Variants in PAXIP1 observed in about 807,000 individuals in gnomAD.
PAXIP1 encodes PAX-interacting protein 1.
In PAXIP1, 19 loss-of-function variants were observed where a neutral mutation model predicts 140.6. The observed-to-expected ratio is 0.14, with a 90% CI of 0.09 to 0.20. The LOEUF is 0.20. PAXIP1 is among the 10% of genes least tolerant of loss of function. PAXIP1 has a pLI of 1.00. For missense variants in PAXIP1, 920 were observed against 1,208.6 expected (o/e 0.76, Z 3.54); for synonymous variants, 442 against 444.6 (o/e 0.99, Z 0.07).
upstream of PAXIP1, chr7:155,003,169 C>T (rs1397231918): frequency 4.0e-5 from 6 of 150,886 alleles, no homozygotes; most frequent in Non-Finnish European, 8.8e-5. Context: ...CCCGCCCCGG[C>T]CACCGAGGGG....
At chr7:154,965,038 T>C (rs1808943638) in intron 8 of PAXIP1, 1 of 152,276 alleles carries the variant, frequency 6.6e-6, no homozygotes, top group South Asian at 2.1e-4. Context: ...CCCCTAGCCT[T>C]AAATATGGTC....
At chr7:154,984,212 T>TA (rs757008782) in intron 4 of PAXIP1, among the ~76,000 whole-genome samples, 1 of 152,156 alleles carries the variant, frequency 6.6e-6, no homozygotes, top group African/African-American at 2.4e-5. Context: ...AGTGCTTCTC[T>TA]AAGGGCAGTT....
At chr7:154,945,048 C>T (rs1807884999) in intron 20 of PAXIP1, 1 of 148,758 alleles carries the variant, frequency 6.7e-6, no homozygotes, top group Non-Finnish European at 1.5e-5. Context: ...AGTGCAATGG[C>T]GCGATATTGG....
At chr7:154,993,563 C>T (rs954326583) in intron 3 of PAXIP1, among the ~76,000 whole-genome samples, 163 bp downstream of exon 3, 2 of 152,080 alleles carry the variant, frequency 1.3e-5, no homozygotes, top group Admixed American at 6.6e-5. Flanking sequence ...GGATCAGGTA[C>T]ATAAAATTTG....
chr7:154,977,160 C>T (rs1024498413), intron 5 of PAXIP1, among the ~76,000 whole-genome samples: 1 of 152,100 alleles, frequency 6.6e-6, no homozygotes, highest in Non-Finnish European at 1.5e-5. Flanking sequence ...TAACAGAGAC[C>T]TCTCCTGTGG....
chr7:154,992,149 CTTGT>C lies in PAXIP1; in HGVS notation c.261-1084_261-1081del, dbSNP rs200680942. Reference sequence around the variant, plus strand: ...TCTACCAGTGAGTCTCCCAGGCTCCCTTGTTTGTTTGTTTGTTTTTGAGATGGAG... The same window carrying C: ...TCTACCAGTGAGTCTCCCAGGCTCCCTTGTTTGTTTGTTTTTGAGATGGAG... On this transcript the variant is annotated intron_variant, in intron 3 of 20. Transcript: ENST00000404141. Among the ~76,000 whole-genome samples the C allele has an allele frequency of 9.4e-3, 1,435 of 152,226 alleles. 24 individuals carry two copies. Among genetic ancestry groups the C allele is most frequent in the African/African-American group, 0.031 (1,288 of 41,536 alleles).
chr7:154,989,673 A>AAAAC (rs1371441071), intron 4 of PAXIP1, among the ~76,000 whole-genome samples: 1 of 152,244 alleles, frequency 6.6e-6, no homozygotes, highest in African/African-American at 2.4e-5. Context: ...GGGGGTTAGA[A>AAAAC]AAACAAAATA....
In PAXIP1 at chr7:154,946,309, G is replaced by A; in HGVS notation, c.3194+56C>T. ...GAAAGGTACTGCCTTATTAACCTGG[G>A]AAATCCATTTCATATCTAACCCGTC... is the stretch of plus-strand genomic sequence containing the variant. On this transcript the variant is annotated intron_variant, in intron 20 of 20. Coordinates refer to ENST00000404141, the MANE Select transcript of PAXIP1 (RefSeq NM_007349.4). The surrounding 1 kb of genome is among the most constrained non-coding windows in gnomAD (Gnocchi z 4.9). 6.2e-7 allele frequency: 1 copy of A among 1,612,564 alleles called. No homozygotes were observed. Among genetic ancestry groups the A allele is most frequent in the South Asian group, 1.1e-5 (1 of 91,018 alleles).
At chr7:154,961,117 T>TA (rs1808737033) in intron 11 of PAXIP1, 40 bp from the exon 12 acceptor site, 1 of 1,383,606 alleles carries the variant, frequency 7.2e-7, no homozygotes, top group Non-Finnish European at 9.8e-7. Flanking sequence ...TATTAAATGT[T>TA]AGAGATGTCA....
intron 5 of PAXIP1, among the ~76,000 whole-genome samples, chr7:154,979,986 C>T (rs1809769045): frequency 6.6e-6 from 1 of 152,190 alleles, no homozygotes; most frequent in African/African-American, 2.4e-5. Flanking sequence ...GCTGTTACCA[C>T]TCCCCGAAAT....
intron 1 of PAXIP1, among the ~76,000 whole-genome samples, chr7:154,999,666 T>A (rs1220411969): frequency 6.6e-6 from 1 of 152,086 alleles, no homozygotes; most frequent in African/African-American, 2.4e-5. Context: ...GAGGAACACA[T>A]CAGAAGGCTG....
At position 154,967,930 on chromosome 7, in the gene PAXIP1, G is replaced by A; in HGVS notation, c.1799-20C>T. On this transcript the variant is annotated intron_variant, in intron 7 of 20. Transcript: ENST00000404141. ...CTGGAACTAGAGTAAAATTACATAA[G>A]AAAAAGAAAATTAAAACCCTATGAA... The A allele has an allele frequency of 1.3e-6, 2 of 1,551,946 alleles. No individual in the cohort carries two copies. The highest frequency in any genetic ancestry group is 1.8e-6 in the Non-Finnish European group (2 of 1,131,316).
chr7:154,963,666 C>T lies in PAXIP1; in HGVS notation c.1989+5G>A. 6.2e-7 allele frequency: 1 copy of T among 1,604,738 alleles called. No homozygotes were observed. On this transcript the variant is annotated splice_donor_5th_base_variant and intron_variant, in intron 9 of 20. Coordinates refer to ENST00000404141, the MANE Select transcript of PAXIP1 (RefSeq NM_007349.4). This position sits in a 1 kb window ranked among gnomAD's most constrained non-coding sequence, Gnocchi z 4.1. Reference sequence around the variant, plus strand: ...CCTGGTCGCAGCTAAGGCTATTTTCCTTACCTGTGCATACGCGCTGCTGAC... The same window carrying T: ...CCTGGTCGCAGCTAAGGCTATTTTCTTTACCTGTGCATACGCGCTGCTGAC...
intron 16 of PAXIP1, 50 bp from the exon 17 acceptor site, chr7:154,948,053 T>C: frequency 7.8e-7 from 1 of 1,287,340 alleles, no homozygotes; most frequent in Non-Finnish European, 1.1e-6. Flanking sequence ...ACGTGAAGTG[T>C]GGCAAGTGTG....
At position 154,968,710 on chromosome 7, in the gene PAXIP1, C is replaced by T; in HGVS notation, c.1491G>A (p.Leu497=). ...GCTGCAGCTGATGGAACTGCTGCTG[C>T]AGGGCATGCTGCTGCTGAAAGGGCT... The part of the protein sequence containing the change: ...QLQPFQQQHA[L]QQQFHQLQQH... Residue 497 remains leucine (L), a synonymous_variant, in exon 7 of 21, where the codon CTG becomes CTA. Transcript: ENST00000404141. The T allele has an allele frequency of 1.4e-6, 1 of 718,320 alleles. No homozygotes were observed. 44.5% of individuals were successfully genotyped at this position (718,320 alleles called of 1,614,324 possible). A position where few individuals can be genotyped will look rare whatever the true frequency, so the allele number is the denominator to read the frequency against.
Position 154,946,290 on chromosome 7 carries a change from T to C in PAXIP1, c.3194+75A>G, listed in dbSNP as rs1030065101. 11 of 1,607,154 alleles carry C rather than the reference T, an allele frequency of 6.8e-6. No homozygotes were observed. In the East Asian group the frequency reaches 1.1e-4, roughly 16 times the overall value. ...AAAATGGCTTGCAAAACAGGAAAGG[T>C]ACTGCCTTATTAACCTGGGAAATCC... On this transcript the variant is annotated intron_variant, in intron 20 of 20. Transcript: ENST00000404141. This position sits in a 1 kb window ranked among gnomAD's most constrained non-coding sequence, Gnocchi z 4.9.
intron 17 of PAXIP1, chr7:154,947,069 A>G: frequency 2.9e-6 from 1 of 340,462 alleles, no homozygotes. Context: ...AGTCCCTAAA[A>G]CAAAGTGTTT....
At chr7:154,967,718 G>T in intron 8 of PAXIP1, 98 bp downstream of exon 8, 1 of 777,592 alleles carries the variant, frequency 1.3e-6, no homozygotes, top group Non-Finnish European at 2.2e-6. Flanking sequence ...ACACGTGCAG[G>T]TGCAGCTCAG....
rs145493963 is a variant in PAXIP1, at chr7:154,959,395, C to G, written c.2478+495G>C. Among the ~76,000 whole-genome samples, 285 of 152,274 alleles carry G rather than the reference C, an allele frequency of 1.9e-3. 1 individual carries two copies. The highest frequency in any genetic ancestry group is 6.4e-3 in the African/African-American group (268 of 41,560). ...GAAGTCACAGCAGACAAAGTCTAAA[C>G]TGAAAAATTATTGAAGTGGTCCTGT... On this transcript the variant is annotated intron_variant, in intron 13 of 20. Coordinates refer to ENST00000404141, the MANE Select transcript of PAXIP1 (RefSeq NM_007349.4).
Sources: gnomAD v4.1 joint callset for allele counts (sites outside exome capture counted in the v4.1 genomes callset) on GRCh38, gnomAD v4.1.1 for gene constraint, Gnocchi (gnomAD v3.1) non-coding constraint, MANE v1.5 for transcripts, NCBI Gene and HGNC (gene_info 2026-07-23, HGNC 2026-07-21) for gene names.